ACSM3: variants seen among roughly 807,000 people sequenced by gnomAD.
ACSM3 encodes acyl-CoA synthetase medium chain family member 3.
In ACSM3, 61 loss-of-function variants were observed where a neutral mutation model predicts 74.1. That is an observed-to-expected ratio of 0.82 (90% CI 0.67 to 1.02). The LOEUF (loss-of-function observed/expected upper bound fraction) is 1.02. Ranked by LOEUF, ACSM3 falls within the 50% of genes least tolerant of loss-of-function variation. ACSM3 has a pLI of 0.00. For missense variants in ACSM3, 660 were observed against 697.0 expected (o/e 0.95, Z 0.60); for synonymous variants, 213 against 241.5 (o/e 0.88, Z 1.09).
chr16:20,776,183 G>A (rs1364165789), intron 3 of ACSM3, 134 bp downstream of exon 3: 2 of 958,394 alleles, frequency 2.1e-6, no homozygotes, highest in Non-Finnish European at 3.1e-6. Context: ...TTATATAAAA[G>A]TTAGGCCGTG....
intron 1 of ACSM3, among the ~76,000 whole-genome samples, chr16:20,702,644 T>C (rs2079716812): frequency 6.6e-6 from 1 of 152,210 alleles, no homozygotes; most frequent in Non-Finnish European, 1.5e-5. Context: ...CCTTTGCCTA[T>C]TTTATGATGG....
At chr16:20,749,119 T>C (rs1014718327) in intron 1 of ACSM3, 2 of 152,038 alleles carry the variant, frequency 1.3e-5, no homozygotes, top group Non-Finnish European at 2.9e-5. Flanking sequence ...ATGAACTAAC[T>C]TATGTTTTAA....
chr16:20,739,172 A>G lies in ACSM3; in HGVS notation c.-189-10738A>G, dbSNP rs2079896329. The stretch of plus-strand genomic sequence containing the variant: ...AGTCCCTGGCGGCAGGTGGCTCAGT[A>G]TTGATTTTTTTTTTTTTTCTAAAGA... On this transcript the variant is annotated intron_variant, in intron 1 of 3. Transcript: ENST00000561584. The G allele has an allele frequency of 5.3e-6, 6 of 1,136,446 alleles. No individual in the cohort carries two copies. In the East Asian group the frequency reaches 1.3e-4, roughly 25 times the overall value. 70.4% of individuals were successfully genotyped at this position (1,136,446 alleles called of 1,614,324 possible).
intron 8 of ACSM3, among the ~76,000 whole-genome samples, chr16:20,785,622 GAAC>G (rs2080454662): frequency 1.3e-5 from 2 of 152,110 alleles, no homozygotes; most frequent in Middle Eastern, 3.4e-3. Flanking sequence ...TAAGAAAAAA[GAAC>G]AACAGTGGTT....
intron 9 of ACSM3, among the ~76,000 whole-genome samples, chr16:20,789,915 C>A (rs1048152923): frequency 2.0e-5 from 3 of 151,682 alleles, no homozygotes; most frequent in African/African-American, 7.3e-5. Flanking sequence ...CTCAGGCGAT[C>A]CACCCGCCTC....
chr16:20,727,339 C>G (rs1158568792), intron 1 of ACSM3: 2 of 590,476 alleles, frequency 3.4e-6, no homozygotes, highest in African/African-American at 3.8e-5. Context: ...CTCTGTCTCT[C>G]CAGATATAAA....
intron 1 of ACSM3, chr16:20,735,920 A>G (rs1476301070): frequency 1.3e-5 from 2 of 152,088 alleles, no homozygotes; most frequent in Non-Finnish European, 2.9e-5. Context: ...CTCACCAACC[A>G]TGCATATTTT....
intron 1 of ACSM3, among the ~76,000 whole-genome samples, chr16:20,683,210 T>C (rs1001757999): frequency 1.3e-5 from 2 of 152,046 alleles, no homozygotes; most frequent in African/African-American, 4.8e-5. Context: ...CTCAGCCTCC[T>C]GGGTTCAAGC....
intron 1 of ACSM3, chr16:20,729,282 G>C (rs757779766): frequency 2.2e-6 from 3 of 1,352,722 alleles, no homozygotes; most frequent in Non-Finnish European, 1.1e-6. Flanking sequence ...TATGTCACTG[G>C]AGACAGAGGA....
chr16:20,737,907 C>A lies in ACSM3; in HGVS notation c.-189-12003C>A, dbSNP rs776244641. 6 of 1,613,302 alleles carry A rather than the reference C, an allele frequency of 3.7e-6. No individual in the cohort carries two copies. The African/African-American group carries it at 8.0e-5, about 22-fold the overall frequency. ...GCAAAATAACTCGAGTCTTCTTTTT[C>A]TTGGTTTTGTACATATCCTGGAGAA... is the stretch of plus-strand genomic sequence containing the variant. On this transcript the variant is annotated intron_variant, in intron 1 of 3. Transcript: ENST00000561584.
At chr16:20,733,751 A>C (rs1205672535) in intron 1 of ACSM3, 1 of 152,154 alleles carries the variant, frequency 6.6e-6, no homozygotes, top group East Asian at 1.9e-4. Flanking sequence ...ACCAAAAGCA[A>C]AATACAAGTA....
At chr16:20,783,423 G>A (rs2080397021) in intron 7 of ACSM3, 1 of 152,058 alleles carries the variant, frequency 6.6e-6, no homozygotes. Flanking sequence ...TATACTGGTT[G>A]GGCTGCCCTA....
At chr16:20,750,999 C>G (rs1277892446) in intron 2 of ACSM3, among the ~76,000 whole-genome samples, 9 of 152,068 alleles carry the variant, frequency 5.9e-5, no homozygotes, top group Admixed American at 5.2e-4. Flanking sequence ...CTCACACCAC[C>G]ATGACTGGCT....
chr16:20,705,239 G>T (rs1055411111), intron 1 of ACSM3, among the ~76,000 whole-genome samples: 66 of 152,242 alleles, frequency 4.3e-4, no homozygotes, highest in African/African-American at 1.5e-3. Context: ...CAGGCGTAGT[G>T]GTGGGCACCT....
chr16:20,772,967 CAAAA>C (rs200907446), intron 2 of ACSM3, among the ~76,000 whole-genome samples: 5 of 81,402 alleles, frequency 6.1e-5, no homozygotes. Context: ...GACTCCCTCT[CAAAA>C]AAAAAAAAAA....
At chr16:20,725,328 G>A (rs942715853) in intron 1 of ACSM3, 17 of 224,682 alleles carry the variant, frequency 7.6e-5, no homozygotes, top group Admixed American at 1.4e-4. Flanking sequence ...TTCATTGACC[G>A]CTTCTGACTT....
At chr16:20,688,244 C>A (rs910650085) in intron 1 of ACSM3, among the ~76,000 whole-genome samples, 1 of 151,812 alleles carries the variant, frequency 6.6e-6, no homozygotes, top group Admixed American at 6.6e-5. Context: ...TTTAAAATTA[C>A]TGAATCTGAG....
chr16:20,696,072 A>C (rs931239826), intron 1 of ACSM3, among the ~76,000 whole-genome samples: 1 of 152,198 alleles, frequency 6.6e-6, no homozygotes, highest in African/African-American at 2.4e-5. Context: ...TACAGTATTT[A>C]ATACAGCAAC....
At chr16:20,752,216 T>C (rs1173473764) in intron 2 of ACSM3, among the ~76,000 whole-genome samples, 1 of 152,074 alleles carries the variant, frequency 6.6e-6, no homozygotes, top group Non-Finnish European at 1.5e-5. Context: ...GTCATTCTCT[T>C]CTACTCAGCC....
Sources: gnomAD v4.1 joint callset for allele counts (sites outside exome capture counted in the v4.1 genomes callset) on GRCh38, gnomAD v4.1.1 for gene constraint, MANE v1.5 for transcripts, NCBI Gene and HGNC (gene_info 2026-07-23, HGNC 2026-07-21) for gene names.